The following SRRM1 variants were observed in gnomAD, a reference collection of about 807,000 sequenced individuals.
The protein encoded by SRRM1 is serine/arginine repetitive matrix protein 1.
Under a neutral mutation model 110.2 loss-of-function variants are expected in SRRM1, and 19 were observed. The observed-to-expected ratio is 0.17, with a 90% CI of 0.12 to 0.25. The LOEUF is 0.25. SRRM1 is among the 10% of genes least tolerant of loss of function. The pLI is 1.00. For missense variants in SRRM1, 918 were observed against 1,145.8 expected (o/e 0.80, Z 2.87); for synonymous variants, 443 against 414.9 (o/e 1.07, Z -0.82).
At chr1:24,649,944 T>A (rs1659675046) in intron 4 of SRRM1, 27 bp from the exon 5 acceptor site, 1 of 1,533,098 alleles carries the variant, frequency 6.5e-7, no homozygotes, top group Non-Finnish European at 8.7e-7. Context: ...TTCAACTATG[T>A]GTATTTTGAA....
chr1:24,649,159 C>T, intron 4 of SRRM1, 130 bp downstream of exon 4: 1 of 770,138 alleles, frequency 1.3e-6, no homozygotes, highest in Non-Finnish European at 2.0e-6. Flanking sequence ...TTTAAACATT[C>T]AGTTTTGGTT....
Position 24,651,569 on chromosome 1 carries a change from G to C in SRRM1, c.682G>C (p.Val228Leu), listed in dbSNP as rs904882800. 3.1e-6 allele frequency: 5 copies of C among 1,613,686 alleles called. No individual in the cohort carries two copies. The highest frequency in any genetic ancestry group is 4.2e-6 in the Non-Finnish European group (5 of 1,179,988). Residue 228 changes from valine to leucine, a missense_variant, in exon 6 of 17, where the codon GTG becomes CTG. Transcript: ENST00000323848. ...AACTCCAGAGCTCCCAGAACCTTCAGTGAAAGTAAAAGAACCTTCAGTACA... is the reference window on the plus strand; with the variant it reads ...AACTCCAGAGCTCCCAGAACCTTCACTGAAAGTAAAAGAACCTTCAGTACA... Reference protein sequence around the residue: ...EKTPELPEPSVKVKEPSVQEA... With the variant: ...EKTPELPEPSLKVKEPSVQEA...
At chr1:24,654,356 G>A in intron 8 of SRRM1, 12 of 1,289,560 alleles carry the variant, frequency 9.3e-6, no homozygotes, top group Non-Finnish European at 1.2e-5. Context: ...ACACATAATT[G>A]CAACAGAACT....
Position 24,662,917 on chromosome 1 carries a change from G to A in SRRM1, c.1628+113G>A, listed in dbSNP as rs1035787710. On this transcript the variant is annotated intron_variant, in intron 12 of 16. Transcript: ENST00000323848. ...CTCCTTCAAGTATTTGGATGTGGTTGGATTTTTGTTTGCTTTTTAGGGTTT... is the reference window on the plus strand; with the variant it reads ...CTCCTTCAAGTATTTGGATGTGGTTAGATTTTTGTTTGCTTTTTAGGGTTT... 2.1e-5 allele frequency: 29 copies of A among 1,411,504 alleles called. No homozygotes were observed. In the African/African-American group the frequency reaches 3.2e-4, roughly 15 times the overall value. 87.4% of individuals were successfully genotyped at this position (1,411,504 alleles called of 1,614,324 possible). A position where few individuals can be genotyped will look rare whatever the true frequency, so the allele number is the denominator to read the frequency against.
At chr1:24,651,710 T>G in intron 6 of SRRM1, 98 bp downstream of exon 6, 1 of 968,726 alleles carries the variant, frequency 1.0e-6, no homozygotes. Context: ...CTTATTTTCC[T>G]TTTAGATTTT....
chr1:24,663,420 A>G (rs1179519427), intron 12 of SRRM1, among the ~76,000 whole-genome samples: 1 of 152,170 alleles, frequency 6.6e-6, no homozygotes, highest in African/African-American at 2.4e-5. Flanking sequence ...TACATGAGCT[A>G]TTTGGTTTAG....
chr1:24,643,529 G>GCAGT, intron 1 of SRRM1, 182 bp downstream of exon 1: 1 of 474,332 alleles, frequency 2.1e-6, no homozygotes, highest in Non-Finnish European at 3.5e-6. Flanking sequence ...GCGCCCCTGC[G>GCAGT]CAGTCTCCTC....
At position 24,645,964 on chromosome 1, in the gene SRRM1, A is replaced by C. The variant is rs777452400; in HGVS notation, c.22-20A>C. 6.2e-7 allele frequency: 1 copy of C among 1,606,938 alleles called. No homozygotes were observed. The highest frequency in any genetic ancestry group is 1.1e-5 in the South Asian group (1 of 90,526). Reference sequence around the variant, plus strand: ...ATTTAACTTTGAACCCTTAGTTAAGATGTGGTTCTCTTCCTGCAGGGAACA... The same window carrying C: ...ATTTAACTTTGAACCCTTAGTTAAGCTGTGGTTCTCTTCCTGCAGGGAACA... On this transcript the variant is annotated intron_variant, in intron 1 of 16. Coordinates refer to ENST00000323848, the MANE Select transcript of SRRM1 (RefSeq NM_005839.4).
At position 24,649,031 on chromosome 1, in the gene SRRM1, T is replaced by C. The variant is rs757779753; in HGVS notation, c.405+2T>C. On this transcript the variant is annotated splice_donor_variant, in intron 4 of 16. Coordinates refer to ENST00000323848, the MANE Select transcript of SRRM1 (RefSeq NM_005839.4). LOFTEE classifies it high-confidence loss of function. ...AAAGAAGAAATAAAACAAAGACAGG[T>C]AATAACCTTTTCTTTTCTGTAATGT... The C allele has an allele frequency of 1.8e-5, 29 of 1,610,418 alleles. No homozygotes were observed. In the Admixed American group the frequency reaches 3.8e-4, roughly 21 times the overall value.
chr1:24,655,197 C>T, intron 9 of SRRM1, 68 bp downstream of exon 9: 13 of 1,513,848 alleles, frequency 8.6e-6, no homozygotes, highest in Non-Finnish European at 1.1e-5. Context: ...CAGTTATTGC[C>T]CCCTGCTCAC....
At chr1:24,668,226 C>A (rs1219147733) in intron 13 of SRRM1, among the ~76,000 whole-genome samples, 1 of 152,056 alleles carries the variant, frequency 6.6e-6, no homozygotes, top group African/African-American at 2.4e-5. Flanking sequence ...CCTCAGCCTC[C>A]CAGAGTGCTG....
At chr1:24,643,384 G>A in intron 1 of SRRM1, 37 bp downstream of exon 1, 2 of 1,535,248 alleles carry the variant, frequency 1.3e-6, no homozygotes, top group Non-Finnish European at 1.7e-6. Flanking sequence ...TGAGGCCAGG[G>A]ACTTCTCGGT....
chr1:24,667,257 G>A lies in SRRM1; in HGVS notation c.1739+332G>A, dbSNP rs539880179. ...GGTGGACATGGGGATGGTAATAGCT[G>A]CAGAACTATATGAATATACTAAAAT... On this transcript the variant is annotated intron_variant, in intron 13 of 16. Coordinates refer to ENST00000323848, the MANE Select transcript of SRRM1 (RefSeq NM_005839.4). Among the ~76,000 whole-genome samples, 48 of 152,296 alleles carry A rather than the reference G, an allele frequency of 3.2e-4. 1 individual carries two copies. The South Asian group carries it at 8.1e-3, about 26-fold the overall frequency.
Position 24,651,483 on chromosome 1 carries a change from G to C in SRRM1, c.596G>C (p.Arg199Pro). 4 of 1,614,058 alleles carry C rather than the reference G, an allele frequency of 2.5e-6. No homozygotes were observed. Among genetic ancestry groups the C allele is most frequent in the South Asian group, 2.2e-5 (2 of 91,080 alleles). ...VRRERKRSHS[R>P]SPRHRTKSRS... ...AGAGAGAGAAAGCGCAGTCATTCTC[G>C]ATCTCCCCGTCACAGAACCAAGAGC... is the stretch of plus-strand genomic sequence containing the variant. Residue 199 changes from arginine to proline, a missense_variant, in exon 6 of 17, where the codon CGA (arginine) becomes CCA (proline). Around this residue, in one of 5 missense-constraint regions of SRRM1, gnomAD observed 456 missense variants for 453.5 expected, o/e 1.01. Coordinates refer to ENST00000323848, the MANE Select transcript of SRRM1 (RefSeq NM_005839.4).
intron 9 of SRRM1, 146 bp downstream of exon 9, chr1:24,655,275 A>T (rs1187458539): frequency 1.8e-5 from 18 of 996,144 alleles, no homozygotes; most frequent in African/African-American, 1.6e-4. Context: ...TTATAAGCCT[A>T]CCTCTTTCCT....
chr1:24,653,059 C>T (rs759186194), intron 8 of SRRM1, 27 bp downstream of exon 8: 1 of 1,603,376 alleles, frequency 6.2e-7, no homozygotes, highest in Non-Finnish European at 8.5e-7. Context: ...TTGGAAGTGT[C>T]AAGTGTTTGA....
Position 24,654,885 on chromosome 1 carries a change from G to T in SRRM1, c.1071G>T (p.Gly357=). 1 of 1,614,184 alleles carries T rather than the reference G, an allele frequency of 6.2e-7. No homozygotes were observed. The highest frequency in any genetic ancestry group is 1.1e-5 in the South Asian group (1 of 91,086). The change falls in exon 9 of 17, where the codon GGG becomes GGT. Residue 357 remains glycine (G), a synonymous_variant. Coordinates refer to ENST00000323848, the MANE Select transcript of SRRM1 (RefSeq NM_005839.4). ...GACGTTCGTCAGCATCCTTGTCTGG[G>T]AGTAGCTCATCATCCTCTTCATCTC... The part of the protein sequence containing the change: ...RRRRSSASLS[G]SSSSSSSSRS...
chr1:24,646,115 C>A, intron 2 of SRRM1, 42 bp downstream of exon 2: 1 of 1,431,856 alleles, frequency 7.0e-7, no homozygotes, highest in Non-Finnish European at 9.8e-7. Flanking sequence ...TTATAGCACA[C>A]TTACTTGACT....
chr1:24,666,834 C>T lies in SRRM1; in HGVS notation c.1648C>T (p.Pro550Ser). Reference protein sequence around the residue: ...TSPRGRRRRSPSPPPTRRRRS... With the variant: ...TSPRGRRRRSSSPPPTRRRRS... The stretch of plus-strand genomic sequence containing the variant: ...GTTTAGTGGTAGACGGAGGAGAAGT[C>T]CATCCCCACCACCCACCAGAAGGCG... The change falls in exon 13 of 17, where the codon CCA (proline) becomes TCA (serine). Residue 550 changes from proline to serine, a missense_variant. By Grantham distance (74) the Pro-to-Ser change is moderately conservative. Transcript: ENST00000323848. 1 of 1,613,196 alleles carries T rather than the reference C, an allele frequency of 6.2e-7. No individual in the cohort carries two copies. The highest frequency in any genetic ancestry group is 8.5e-7 in the Non-Finnish European group (1 of 1,179,580).
Sources: allele counts gnomAD v4.1 joint callset (sites outside exome capture counted in the v4.1 genomes callset), GRCh38; gene constraint gnomAD v4.1.1; regional missense constraint gnomAD v4.1.1; transcripts MANE v1.5; gene names NCBI Gene and HGNC (gene_info 2026-07-23, HGNC 2026-07-21).